Variants in FNBP1 observed in about 807,000 individuals in gnomAD.
The protein encoded by FNBP1 is formin binding protein 1, also known as formin-binding protein 1.
In FNBP1, 26 loss-of-function variants were observed where a neutral mutation model predicts 90.6. The ratio of observed to expected loss-of-function variants is 0.29; its 90% confidence interval spans 0.21 to 0.40. The LOEUF is 0.40. FNBP1 is among the 10% of genes least tolerant of loss of function. The pLI, the probability that FNBP1 is intolerant of heterozygous loss-of-function variation, is 1.00. For synonymous variants in FNBP1, 260 were observed against 265.2 expected, an observed-to-expected ratio of 0.98 and a Z score of 0.19; for missense variants, 635 against 768.0, an observed-to-expected ratio of 0.83 and a Z score of 2.05.
intron 6 of FNBP1, among the ~76,000 whole-genome samples, chr9:129,944,976 AAC>A (rs145865785): frequency 1.3e-4 from 20 of 151,858 alleles, no homozygotes; most frequent in African/African-American, 3.9e-4. Context: ...GTTGAAGCTA[AAC>A]ACACACACAC....
intron 1 of FNBP1, among the ~76,000 whole-genome samples, chr9:130,030,709 T>A (rs190511434): frequency 6.6e-6 from 1 of 152,294 alleles, no homozygotes; most frequent in East Asian, 1.9e-4. Context: ...GGCGAGAACG[T>A]ACGGATCAGC....
the FNBP1 span, among the ~76,000 whole-genome samples, chr9:130,049,570 C>T: frequency 1.1e-3 from 166 of 151,610 alleles, 2 homozygotes; most frequent in African/African-American, 3.8e-3. Context: ...AAAATTAGCC[C>T]GGCACGGTTG....
At chr9:129,983,542 C>T (rs956945973) in intron 2 of FNBP1, among the ~76,000 whole-genome samples, 1 of 152,148 alleles carries the variant, frequency 6.6e-6, no homozygotes, top group Non-Finnish European at 1.5e-5. Context: ...ACGGTTCGTT[C>T]AGGCGCGGTG....
chr9:130,024,067 T>C (rs914344015), intron 1 of FNBP1, among the ~76,000 whole-genome samples: 1 of 152,108 alleles, frequency 6.6e-6, no homozygotes, highest in Non-Finnish European at 1.5e-5. Context: ...CACCCCAAGC[T>C]TGTGAGCTGG....
At chr9:129,984,580 G>C (rs1277245402) in intron 2 of FNBP1, among the ~76,000 whole-genome samples, 1 of 152,142 alleles carries the variant, frequency 6.6e-6, no homozygotes, top group African/African-American at 2.4e-5. Flanking sequence ...AGACCTCCAG[G>C]CTGAGTGCCC....
chr9:129,941,376 GA>G (rs2044302068), intron 6 of FNBP1, among the ~76,000 whole-genome samples: 1 of 152,112 alleles, frequency 6.6e-6, no homozygotes, highest in Non-Finnish European at 1.5e-5. Context: ...GCAACAGAGC[GA>G]GACGCCATCT....
chr9:129,907,414 C>G (rs1293447926), intron 12 of FNBP1, among the ~76,000 whole-genome samples: 1 of 152,198 alleles, frequency 6.6e-6, no homozygotes, highest in Non-Finnish European at 1.5e-5. Flanking sequence ...GCAGTAGTAA[C>G]TGATAGAGCC....
rs989716365 is a variant in FNBP1, at chr9:129,955,139, G to C, written c.513+2221C>G. Among the ~76,000 whole-genome samples the C allele has an allele frequency of 5.9e-5, 9 of 152,112 alleles. No homozygotes were observed. In the East Asian group the frequency reaches 9.6e-4, roughly 16 times the overall value. On this transcript the variant is annotated intron_variant, in intron 6 of 16. Transcript: ENST00000446176. ...TAAGATAAGAAAAAATTAACAAAAGGCATGAAGATTGGAAAAGAAATGCAA... is the reference window on the plus strand; with the variant it reads ...TAAGATAAGAAAAAATTAACAAAAGCCATGAAGATTGGAAAAGAAATGCAA...
chr9:129,968,517 TAAC>T (rs1345229332), intron 4 of FNBP1, among the ~76,000 whole-genome samples: 1 of 152,188 alleles, frequency 6.6e-6, no homozygotes, highest in Admixed American at 6.5e-5. Context: ...TCATCTCTTA[TAAC>T]AACATTTTGT....
At chr9:129,986,063 G>A (rs1314249038) in intron 2 of FNBP1, among the ~76,000 whole-genome samples, 1 of 151,940 alleles carries the variant, frequency 6.6e-6, no homozygotes, top group Non-Finnish European at 1.5e-5. Context: ...TTGAACCCGG[G>A]AGGCTGAGGT....
chr9:130,010,608 T>C (rs2056412507), intron 1 of FNBP1, among the ~76,000 whole-genome samples: 1 of 152,058 alleles, frequency 6.6e-6, no homozygotes, highest in South Asian at 2.1e-4. Flanking sequence ...ATGCTTGAAA[T>C]GGCAGAGCCA....
At chr9:129,958,703 G>A (rs1024441233) in intron 4 of FNBP1, 150 bp from the exon 5 acceptor site, 12 of 626,406 alleles carry the variant, frequency 1.9e-5, no homozygotes, top group Admixed American at 6.1e-5. Flanking sequence ...AGGGGTAGCC[G>A]GGTGCGGTGG....
intron 11 of FNBP1, among the ~76,000 whole-genome samples, chr9:129,913,686 G>A (rs547373441): frequency 4.6e-5 from 7 of 151,744 alleles, no homozygotes; most frequent in South Asian, 2.1e-4. Context: ...CATGAGAATC[G>A]CTTGAACCCA....
intron 10 of FNBP1, among the ~76,000 whole-genome samples, chr9:129,922,542 A>C (rs1297246269): frequency 6.6e-6 from 1 of 152,210 alleles, no homozygotes; most frequent in Non-Finnish European, 1.5e-5. Flanking sequence ...TGGGCTTCAT[A>C]GGGTGGCTGG....
intron 11 of FNBP1, among the ~76,000 whole-genome samples, chr9:129,912,454 C>T (rs980503320): frequency 6.6e-6 from 1 of 151,976 alleles, no homozygotes; most frequent in African/African-American, 2.4e-5. Flanking sequence ...TTTGGGAGGC[C>T]GAGGCGGGTG....
chr9:129,937,590 G>C (rs1331169267), intron 6 of FNBP1, among the ~76,000 whole-genome samples: 1 of 144,134 alleles, frequency 6.9e-6, no homozygotes, highest in Admixed American at 7.1e-5. Flanking sequence ...AATTAGCTGG[G>C]TGTGGTGGCA....
intron 13 of FNBP1, 96 bp downstream of exon 13, chr9:129,902,773 C>T: frequency 7.9e-7 from 1 of 1,266,742 alleles, no homozygotes; most frequent in Non-Finnish European, 1.1e-6. Context: ...CTGTGTACCT[C>T]CCAGTGAGAG....
intron 12 of FNBP1, among the ~76,000 whole-genome samples, chr9:129,905,536 C>T (rs1351871482): frequency 6.6e-6 from 1 of 152,030 alleles, no homozygotes; most frequent in African/African-American, 2.4e-5. Flanking sequence ...TCTTGAACTC[C>T]TGACCTCAGA....
intron 4 of FNBP1, among the ~76,000 whole-genome samples, chr9:129,978,134 C>T (rs2050636155): frequency 1.3e-5 from 2 of 152,086 alleles, no homozygotes; most frequent in Non-Finnish European, 2.9e-5. Context: ...GTTTCTCCTG[C>T]CTCAGCCTCC....
Sources: allele counts gnomAD v4.1 joint callset (sites outside exome capture counted in the v4.1 genomes callset), GRCh38; gene constraint gnomAD v4.1.1; transcripts MANE v1.5; gene names NCBI Gene and HGNC (gene_info 2026-07-23, HGNC 2026-07-21).